Variants in NWD1 observed in about 807,000 individuals in gnomAD.
The protein encoded by NWD1 is NACHT and WD repeat domain containing 1.
NWD1 carries 129 observed loss-of-function variants against 135.1 expected under a neutral mutation model. The ratio of observed to expected loss-of-function variants is 0.96; its 90% confidence interval spans 0.83 to 1.11. The LOEUF is 1.11. Among genes scored for constraint, NWD1 ranks in the 50% least tolerant of loss-of-function variants. The pLI, the probability that NWD1 is intolerant of heterozygous loss-of-function variation, is 0.00. For synonymous variants in NWD1, 773 were observed against 786.0 expected, an observed-to-expected ratio of 0.98 and a Z score of 0.28; for missense variants, 1,740 against 1,851.3, an observed-to-expected ratio of 0.94 and a Z score of 1.10.
At chr19:16,782,811 C>A (rs922131608) in intron 12 of NWD1, among the ~76,000 whole-genome samples, 1 of 152,022 alleles carries the variant, frequency 6.6e-6, no homozygotes, top group Non-Finnish European at 1.5e-5. Flanking sequence ...AGAGTGAGAT[C>A]CTGTCTTTTG....
intron 2 of NWD1, among the ~76,000 whole-genome samples, chr19:16,730,247 A>C (rs1967502480): frequency 6.6e-6 from 1 of 151,732 alleles, no homozygotes. Context: ...GCTTGAACCC[A>C]GGAGGCAGAG....
intron 12 of NWD1, among the ~76,000 whole-genome samples, chr19:16,780,579 G>A (rs147323422): frequency 6.6e-6 from 1 of 152,260 alleles, no homozygotes; most frequent in African/African-American, 2.4e-5. Context: ...AGTCCAGTAG[G>A]GAAATAGGCT....
intron 5 of NWD1, 112 bp from the exon 6 acceptor site, chr19:16,749,027 T>C: frequency 1.3e-6 from 1 of 788,356 alleles, no homozygotes; most frequent in Non-Finnish European, 2.0e-6. Flanking sequence ...TGCACGTTAA[T>C]CTTGAGAACC....
At chr19:16,759,003 CAAAAAAAAAAA>C (rs58283462) in intron 6 of NWD1, among the ~76,000 whole-genome samples, 29 of 74,938 alleles carry the variant, frequency 3.9e-4, no homozygotes, top group African/African-American at 1.2e-3. Flanking sequence ...AACTCTGTCT[CAAAAAAAAAAA>C]AAAAAAAAAA....
At chr19:16,740,349 A>G (rs758400100) in intron 4 of NWD1, among the ~76,000 whole-genome samples, 15 of 151,804 alleles carry the variant, frequency 9.9e-5, no homozygotes, top group Non-Finnish European at 1.8e-4. Context: ...TATTATTATT[A>G]TTTTGAGATG....
intron 3 of NWD1, among the ~76,000 whole-genome samples, chr19:16,732,614 T>TTTTTTC (rs71180322): frequency 8.1e-6 from 1 of 123,036 alleles, no homozygotes; most frequent in Admixed American, 8.3e-5. Context: ...TTTTTTTTTT[T>TTTTTTC]CAGATGAGGT....
chr19:16,810,813 G>A (rs908739326), intron 18 of NWD1, among the ~76,000 whole-genome samples: 1 of 152,084 alleles, frequency 6.6e-6, no homozygotes, highest in African/African-American at 2.4e-5. Flanking sequence ...CATGTGAACA[G>A]TACTATTAAT....
chr19:16,741,368 G>GTTTTT (rs11292982), intron 4 of NWD1, among the ~76,000 whole-genome samples: 1 of 125,022 alleles, frequency 8.0e-6, no homozygotes, highest in Non-Finnish European at 1.7e-5. Flanking sequence ...TTGTTTTTGT[G>GTTTTT]TTTTTTTTTT....
intron 11 of NWD1, among the ~76,000 whole-genome samples, chr19:16,776,773 T>TAAAAAAAA (rs554653148): frequency 1.5e-5 from 1 of 66,466 alleles, no homozygotes; most frequent in African/African-American, 5.7e-5. Flanking sequence ...TACAAAAAGT[T>TAAAAAAAA]AAAAAAAAAA....
intron 2 of NWD1, among the ~76,000 whole-genome samples, chr19:16,730,580 G>A (rs1276458137): frequency 1.3e-5 from 2 of 152,068 alleles, no homozygotes; most frequent in Non-Finnish European, 2.9e-5. Context: ...ATATGGCTGT[G>A]GTGGTGCCCC....
At chr19:16,779,659 A>G (rs1452932344) in intron 12 of NWD1, among the ~76,000 whole-genome samples, 194 bp downstream of exon 12, 1 of 152,172 alleles carries the variant, frequency 6.6e-6, no homozygotes, top group Non-Finnish European at 1.5e-5. Context: ...CTTTTTAAAT[A>G]TGGGATCTCA....
chr19:16,769,208 T>C (rs1969329468), intron 10 of NWD1, among the ~76,000 whole-genome samples: 1 of 152,102 alleles, frequency 6.6e-6, no homozygotes, highest in African/African-American at 2.4e-5. Context: ...ATGCCTATAA[T>C]CCCAGCACTT....
At chr19:16,808,486 G>T (rs936625375) in intron 18 of NWD1, among the ~76,000 whole-genome samples, 3 of 151,570 alleles carry the variant, frequency 2.0e-5, no homozygotes, top group African/African-American at 7.3e-5. Context: ...GGAGGCAGAG[G>T]TTGCAGTGAG....
chr19:16,719,905 A>G lies in NWD1; in HGVS notation c.-493A>G, dbSNP rs772317853. ...TAAAATACCTAAGACGAAAGTTACT[A>G]GGATAGCCAGGGGCTTGTCTTCCGG... On this transcript the variant is annotated 5_prime_UTR_variant, in exon 1 of 19. Transcript: ENST00000524140. 6.6e-6 allele frequency: 1 copy of G among 152,206 alleles called. No homozygotes were observed. Among genetic ancestry groups the G allele is most frequent in the Non-Finnish European group, 1.5e-5 (1 of 68,036 alleles). The allele number at this position is 152,206 out of a possible 1,614,324, so 9.4% of individuals were successfully genotyped here.
Position 16,808,007 on chromosome 19 carries a change from C to A in NWD1, c.4158C>A (p.Thr1386=). The A allele has an allele frequency of 6.2e-7, 1 of 1,614,076 alleles. No individual in the cohort carries two copies. The highest frequency in any genetic ancestry group is 1.1e-5 in the South Asian group (1 of 91,066). Residue 1386 remains threonine, a synonymous_variant, in exon 18 of 19, where the codon ACC becomes ACA. Transcript: ENST00000524140. ...CATSKAFPLE[T]HRSRVACVEV... Reference sequence around the variant, plus strand: ...CTTCCAAAGCGTTTCCCTTGGAGACCCACAGGAGCCGAGTTGCCTGTGTGG... The same window carrying A: ...CTTCCAAAGCGTTTCCCTTGGAGACACACAGGAGCCGAGTTGCCTGTGTGG...
chr19:16,724,896 G>A (rs962271185), intron 2 of NWD1, among the ~76,000 whole-genome samples: 3 of 151,948 alleles, frequency 2.0e-5, no homozygotes, highest in Non-Finnish European at 4.4e-5. Context: ...GTTTCACCAT[G>A]TTGGCCAGGC....
At chr19:16,722,373 C>T (rs184891087) in intron 1 of NWD1, among the ~76,000 whole-genome samples, 53 of 151,554 alleles carry the variant, frequency 3.5e-4, no homozygotes, top group African/African-American at 1.1e-3. Flanking sequence ...ACTGCAATGT[C>T]CGTTTCCTGG....
intron 11 of NWD1, among the ~76,000 whole-genome samples, chr19:16,774,326 C>CTCCA (rs112670267): frequency 0.17 from 25,183 of 146,712 alleles, 5,043 homozygotes; most frequent in African/African-American, 0.49. Context: ...CCACTTTCCT[C>CTCCA]TCCATCCATC....
chr19:16,721,058 C>T (rs538117272), intron 1 of NWD1, among the ~76,000 whole-genome samples: 8 of 152,186 alleles, frequency 5.3e-5, no homozygotes, highest in Non-Finnish European at 1.2e-4. Flanking sequence ...CCATGTTGGC[C>T]AGGCTGGTCT....
Sources: gnomAD v4.1 joint callset for allele counts (sites outside exome capture counted in the v4.1 genomes callset) on GRCh38, gnomAD v4.1.1 for gene constraint, MANE v1.5 for transcripts, NCBI Gene and HGNC (gene_info 2026-07-23, HGNC 2026-07-21) for gene names.